Variants in CHD1L observed in about 807,000 individuals in gnomAD.
The protein encoded by CHD1L is chromodomain helicase DNA binding protein 1 like.
CHD1L carries 118 observed loss-of-function variants against 115.9 expected under a neutral mutation model. The ratio of observed to expected loss-of-function variants is 1.02; its 90% CI spans 0.88 to 1.19. The LOEUF is 1.19. Among genes scored for constraint, CHD1L ranks in the 50% most tolerant of loss-of-function variants. The pLI, the probability that CHD1L is intolerant of heterozygous loss-of-function variation, is 0.00. For missense variants in CHD1L, 1,179 were observed against 1,065.3 expected (o/e 1.11, Z -1.49); for synonymous variants, 411 against 387.1 (o/e 1.06, Z -0.72).
rs782726098 is a variant in CHD1L at position 147,295,523 on chromosome 1, C to T, written c.*14C>T. 2 of 1,584,658 alleles carry T rather than the reference C, an allele frequency of 1.3e-6. No individual in the cohort carries two copies. The highest frequency in any genetic ancestry group is 1.7e-5 in the Admixed American group (1 of 59,432). ...CTGGTGCCTTAAGAATTGGCCCAGC[C>T]TCAGATCCTGTCTTTAGCAACCAGC... On this transcript the variant is annotated 3_prime_UTR_variant, in exon 23 of 23. Coordinates refer to ENST00000369258, the MANE Select transcript of CHD1L (RefSeq NM_004284.6).
At chr1:147,254,271 TC>T (rs1287425548) in intron 2 of CHD1L, among the ~76,000 whole-genome samples, 12 of 152,212 alleles carry the variant, frequency 7.9e-5, no homozygotes, top group Non-Finnish European at 1.6e-4. Flanking sequence ...TTAGAATGTG[TC>T]CTCCAGGAGG....
chr1:147,224,793 T>C, the CHD1L span: 1 of 1,154,400 alleles, frequency 8.7e-7, no homozygotes, highest in Non-Finnish European at 1.3e-6. Flanking sequence ...TACAGGCGTG[T>C]GCCAACCGCG....
At chr1:147,233,965 G>A in the CHD1L span, among the ~76,000 whole-genome samples, 4 of 152,106 alleles carry the variant, frequency 2.6e-5, no homozygotes, top group African/African-American at 4.8e-5. Context: ...TGCGGAAGGC[G>A]GCAGGGCCCT....
the CHD1L span, among the ~76,000 whole-genome samples, chr1:147,182,629 A>G: frequency 2.0e-5 from 3 of 152,192 alleles, no homozygotes; most frequent in Non-Finnish European, 4.4e-5. Context: ...TATTATAGCG[A>G]GGCAGAGAGC....
the CHD1L span, among the ~76,000 whole-genome samples, chr1:147,233,257 G>A: frequency 2.0e-5 from 3 of 151,362 alleles, no homozygotes; most frequent in South Asian, 4.2e-4. Context: ...GAGCCCCTCC[G>A]CCCGGCAGCC....
the CHD1L span, among the ~76,000 whole-genome samples, chr1:147,176,639 T>C: frequency 6.6e-6 from 1 of 152,168 alleles, no homozygotes; most frequent in African/African-American, 2.4e-5. Flanking sequence ...TGTGACTAAA[T>C]ATTCACTGCA....
the CHD1L span, among the ~76,000 whole-genome samples, chr1:147,192,536 A>T: frequency 5.4e-3 from 805 of 149,456 alleles, 14 homozygotes; most frequent in African/African-American, 0.02. Context: ...TGGCCAGAAT[A>T]TCCAACACTC....
chr1:147,286,980 C>T (rs376080404), intron 18 of CHD1L, among the ~76,000 whole-genome samples: 1 of 36,300 alleles, frequency 2.8e-5, no homozygotes, highest in East Asian at 7.1e-4. Context: ...CCCATCCCCC[C>T]TGTTATTCTC....
intron 4 of CHD1L, among the ~76,000 whole-genome samples, chr1:147,256,169 A>T (rs1472233132): frequency 1.3e-5 from 2 of 152,130 alleles, no homozygotes; most frequent in African/African-American, 4.8e-5. Context: ...AGGAAGTGGC[A>T]CTTGAGCTGC....
intron 1 of CHD1L, among the ~76,000 whole-genome samples, chr1:147,245,985 T>A (rs1459690716): frequency 6.6e-6 from 1 of 152,188 alleles, no homozygotes; most frequent in East Asian, 1.9e-4. Context: ...ACAGTCAAGA[T>A]CCAGAACATT....
At chr1:147,271,747 G>A (rs1177722682) in intron 11 of CHD1L, among the ~76,000 whole-genome samples, 1 of 152,150 alleles carries the variant, frequency 6.6e-6, no homozygotes, top group African/African-American at 2.4e-5. Flanking sequence ...GGCAGGTGGC[G>A]AACTCTAAAG....
chr1:147,196,689 G>C, the CHD1L span, among the ~76,000 whole-genome samples: 1 of 152,040 alleles, frequency 6.6e-6, no homozygotes, highest in Admixed American at 6.6e-5. Context: ...TGTTTTTGCA[G>C]TGTTTCCTTA....
the CHD1L span, among the ~76,000 whole-genome samples, chr1:147,197,077 C>G: frequency 6.6e-6 from 1 of 152,276 alleles, no homozygotes; most frequent in Middle Eastern, 3.4e-3. Context: ...ACCTTAAATG[C>G]AAACTCTTGA....
the CHD1L span, chr1:147,209,185 C>A: frequency 1.6e-6 from 1 of 619,862 alleles, no homozygotes; most frequent in Non-Finnish European, 2.7e-6. Flanking sequence ...TTTGGGAGGC[C>A]AAGGCGGGCG....
the CHD1L span, among the ~76,000 whole-genome samples, chr1:147,226,083 A>T: frequency 2.7e-5 from 4 of 149,058 alleles, no homozygotes; most frequent in Non-Finnish European, 4.4e-5. Context: ...TGGTGGTGCC[A>T]AGGTTGTCTG....
chr1:147,173,377 G>A, the CHD1L span: 3 of 152,416 alleles, frequency 2.0e-5, no homozygotes, highest in East Asian at 3.9e-4. Flanking sequence ...GGGTCGCAGG[G>A]AAGAATTCAA....
At chr1:147,227,181 G>A in the CHD1L span, among the ~76,000 whole-genome samples, 1 of 152,154 alleles carries the variant, frequency 6.6e-6, no homozygotes, top group South Asian at 2.1e-4. Context: ...AACTATAAAT[G>A]TGAATTTATA....
chr1:147,289,817 G>T (rs1274590825), intron 19 of CHD1L, among the ~76,000 whole-genome samples: 1 of 152,242 alleles, frequency 6.6e-6, no homozygotes, highest in Non-Finnish European at 1.5e-5. Context: ...GCAGGCCAGA[G>T]TGGAGGGTTT....
At chr1:147,283,749 G>C (rs782075854) in intron 15 of CHD1L, among the ~76,000 whole-genome samples, 98 of 152,058 alleles carry the variant, frequency 6.4e-4, no homozygotes, top group Non-Finnish European at 1.9e-4. Flanking sequence ...GAGCACACTG[G>C]CCTTAGAATC....
Sources: allele counts gnomAD v4.1 joint callset (sites outside exome capture counted in the v4.1 genomes callset), GRCh38; gene constraint gnomAD v4.1.1; transcripts MANE v1.5; gene names NCBI Gene and HGNC (gene_info 2026-07-23, HGNC 2026-07-21).